PRAMEF4: variants seen among roughly 807,000 people sequenced by gnomAD.
The protein encoded by PRAMEF4 is PRAME family member 4.
PRAMEF4 carries 18 observed loss-of-function variants against 34.4 expected under a neutral mutation model. The ratio of observed to expected loss-of-function variants is 0.52; its 90% CI spans 0.36 to 0.78. The LOEUF (loss-of-function observed/expected upper bound fraction) is 0.78. Ranked by LOEUF, PRAMEF4 falls within the 30% of genes least tolerant of loss-of-function variation. PRAMEF4 has a pLI of 0.00. For synonymous variants in PRAMEF4, 156 were observed against 219.3 expected (o/e 0.71, Z 2.55); for missense variants, 482 against 569.1 (o/e 0.85, Z 1.56).
At chr1:12,880,938 G>C (rs138027331) in intron 3 of PRAMEF4, among the ~76,000 whole-genome samples, 3,863 of 146,916 alleles carry the variant, frequency 0.026, 515 homozygotes, top group African/African-American at 0.094. Context: ...TTTACAACAG[G>C]GAATTAGAGA....
intron 2 of PRAMEF4, 57 bp downstream of exon 2, chr1:12,883,045 C>G (rs1315803751): frequency 3.8e-6 from 6 of 1,585,938 alleles, no homozygotes; most frequent in Admixed American, 1.8e-5. Flanking sequence ...CACGACCCAG[C>G]TGTTCCTTCA....
At chr1:12,884,217 A>G (rs1438356742) in intron 1 of PRAMEF4, among the ~76,000 whole-genome samples, 1 of 147,484 alleles carries the variant, frequency 6.8e-6, no homozygotes, top group Non-Finnish European at 1.5e-5. Context: ...GGATTTCGCT[A>G]TGTTGTCCAA....
In PRAMEF4 at chr1:12,884,509, A is replaced by G. The variant is rs2995619; in HGVS notation, c.-16-1099T>C. Among the ~76,000 whole-genome samples, 579 of 147,080 alleles carry G rather than the reference A, an allele frequency of 3.9e-3. 15 individuals carry two copies. Among genetic ancestry groups the G allele is most frequent in the African/African-American group, 0.014 (551 of 38,910 alleles). The stretch of plus-strand genomic sequence containing the variant: ...GCAGGTGGATCATCTGAGATCAGGA[A>G]TTCAAGACGAGCCTGGCCAACATGG... On this transcript the variant is annotated intron_variant, in intron 1 of 3. Coordinates refer to ENST00000235349, the MANE Select transcript of PRAMEF4 (RefSeq NM_001009611.4).
chr1:12,883,209 G>A lies in PRAMEF4; in HGVS notation c.186C>T (p.Pro62=), dbSNP rs552433763. 14 of 1,599,202 alleles carry A rather than the reference G, an allele frequency of 8.8e-6. No homozygotes were observed. The East Asian group carries it at 2.9e-4, about 34-fold the overall frequency. ...GAGGCCTCAGAGGGAGGCGGCGGAA[G>A]GGCCAGGACTGCACCATCAGCTTCA... is the stretch of plus-strand genomic sequence containing the variant. The part of the protein sequence containing the change: ...EALKLMVQSW[P]FRRLPLRPLI... Residue 62 remains proline (P), a synonymous_variant, in exon 2 of 4, where the codon CCC becomes CCT. Transcript: ENST00000235349.
intron 3 of PRAMEF4, 32 bp downstream of exon 3, chr1:12,881,822 G>A (rs760885930): frequency 6.2e-7 from 1 of 1,600,042 alleles, no homozygotes; most frequent in Non-Finnish European, 8.5e-7. Flanking sequence ...CTCTGCTGTG[G>A]TCTGCAGAGA....
At position 12,883,379 on chromosome 1, in the gene PRAMEF4, A is replaced by G. The variant is rs3121079; in HGVS notation, c.16T>C (p.Trp6Arg). Reference sequence around the variant, plus strand: ...AGCTCCAGGAGTCTGGGTGGAGTCCAGATGCTCATCTTCATGAATCTGCAG... The same window carrying G: ...AGCTCCAGGAGTCTGGGTGGAGTCCGGATGCTCATCTTCATGAATCTGCAG... MKMSI[W>R]TPPRLLELAG... The change falls in exon 2 of 4, where the codon TGG becomes CGG. Residue 6 changes from tryptophan to arginine, a missense_variant. Trp to Arg is a moderately radical substitution (Grantham distance 101). Around this residue, in one of 6 missense-constraint regions of PRAMEF4, gnomAD observed 172 missense variants for 130.2 expected, o/e 1.32. Transcript: ENST00000235349. 0.091 allele frequency: 135,446 copies of G among 1,482,082 alleles called. 21,687 individuals are homozygous for G. Among genetic ancestry groups the G allele is most frequent in the African/African-American group, 0.21 (14,470 of 68,854 alleles). The allele number at this position is 1,482,082 out of a possible 1,614,324, so 91.8% of individuals were successfully genotyped here.
At chr1:12,882,854 AGCCACCGTGCCCG>A (rs1322140019) in intron 2 of PRAMEF4, among the ~76,000 whole-genome samples, 49 of 147,534 alleles carry the variant, frequency 3.3e-4, no homozygotes, top group Admixed American at 3.1e-3. Flanking sequence ...ATACATTGTG[AGCCACCGTGCCCG>A]GCCCAGTTCT....
rs1372496522 is a variant in PRAMEF4 at position 12,879,902 on chromosome 1, T to C, written c.1079A>G (p.Asp360Gly). ...VAATLEYLDL[D>G]DCGIIDSQVN... The stretch of plus-strand genomic sequence containing the variant: ...TTGGGAGTCTATGATGCCACAGTCA[T>C]CTAAATCCAGGTACTCAAGGGTGGC... The change falls in exon 4 of 4, where the codon GAT (aspartate) becomes GGT (glycine). Residue 360 changes from aspartate to glycine, a missense_variant. Asp to Gly is a moderately conservative substitution (Grantham distance 94, BLOSUM62 -1). Coordinates refer to ENST00000235349, the MANE Select transcript of PRAMEF4 (RefSeq NM_001009611.4). The C allele has an allele frequency of 6.2e-7, 1 of 1,603,088 alleles. No homozygotes were observed. The highest frequency in any genetic ancestry group is 1.4e-5 in the African/African-American group (1 of 73,186).
rs1240585424 is a variant in PRAMEF4 at position 12,879,846 on chromosome 1, A to C, written c.1135T>G (p.Cys379Gly). The change falls in exon 4 of 4, where the codon TGC (cysteine) becomes GGC (glycine). Residue 379 changes from cysteine to glycine, a missense_variant. Coordinates refer to ENST00000235349, the MANE Select transcript of PRAMEF4 (RefSeq NM_001009611.4). ...VNAILPALSR[C>G]FELNTFSFCG... Reference sequence around the variant, plus strand: ...AAGCTGAAGGTGTTGAGCTCAAAGCAGCGGCTCAGGGCAGGCAAGATGGCG... The same window carrying C: ...AAGCTGAAGGTGTTGAGCTCAAAGCCGCGGCTCAGGGCAGGCAAGATGGCG... 6.3e-7 allele frequency: 1 copy of C among 1,599,650 alleles called. No individual in the cohort carries two copies. The highest frequency in any genetic ancestry group is 8.5e-7 in the Non-Finnish European group (1 of 1,173,554).
chr1:12,881,558 A>T (rs1326864921), intron 3 of PRAMEF4, among the ~76,000 whole-genome samples: 1 of 145,234 alleles, frequency 6.9e-6, no homozygotes, highest in African/African-American at 2.6e-5. Flanking sequence ...ACTTAGACAC[A>T]CGTCCTCAGG....
At chr1:12,883,780 T>G (rs1358397568) in intron 1 of PRAMEF4, among the ~76,000 whole-genome samples, 2 of 147,000 alleles carry the variant, frequency 1.4e-5, no homozygotes, top group South Asian at 4.4e-4. Context: ...TGCCCACATT[T>G]TCAGTTCCTA....
Position 12,880,575 on chromosome 1 carries a change from T to G in PRAMEF4, c.876-470A>C, listed in dbSNP as rs1308761939. On this transcript the variant is annotated intron_variant, in intron 3 of 3. Transcript: ENST00000235349. ...TGGGTGACAGAGAGAGACTCTGTAT[T>G]AAAAAAAAAAAAGGAGAAAAAATAA... 4.2e-4 allele frequency among the ~76,000 whole-genome samples: 57 copies of G among 136,660 alleles called. 3 individuals are homozygous for G. Among genetic ancestry groups the G allele is most frequent in the African/African-American group, 1.5e-3 (55 of 36,456 alleles). The allele number at this position is 136,660 out of a possible 152,430, so 89.7% of individuals were successfully genotyped here.
chr1:12,880,011 G>C lies in PRAMEF4; in HGVS notation c.970C>G (p.Gln324Glu), dbSNP rs267597982. The change falls in exon 4 of 4, where the codon CAA becomes GAA. Residue 324 changes from glutamine (Q) to glutamate (E), a missense_variant. Coordinates refer to ENST00000235349, the MANE Select transcript of PRAMEF4 (RefSeq NM_001009611.4). ...KHLSQCPSIS[Q>E]LKTLDLSGIR... ...CCACTCAGGTCCAGGGTCTTTAGTT[G>C]ACTGATACTCGGGCACTGGGATAGA... The C allele has an allele frequency of 1.2e-6, 2 of 1,602,036 alleles. No individual in the cohort carries two copies. The highest frequency in any genetic ancestry group is 2.2e-5 in the South Asian group (2 of 90,478).
intron 3 of PRAMEF4, among the ~76,000 whole-genome samples, chr1:12,880,459 C>A (rs1340443921): frequency 1.3e-5 from 2 of 150,386 alleles, no homozygotes; most frequent in African/African-American, 4.9e-5. Flanking sequence ...GCCTGCAATT[C>A]CAGCTACTTG....
At chr1:12,885,170 C>T (rs1276927302) in intron 1 of PRAMEF4, among the ~76,000 whole-genome samples, 5 of 150,556 alleles carry the variant, frequency 3.3e-5, no homozygotes, top group Non-Finnish European at 7.4e-5. Flanking sequence ...CACTTCGTCG[C>T]CCAGGCTGGA....
Position 12,879,792 on chromosome 1 carries a change from G to T in PRAMEF4, c.1189C>A (p.Leu397Met). The T allele has an allele frequency of 1.2e-6, 2 of 1,600,294 alleles. No individual in the cohort carries two copies. Among genetic ancestry groups the T allele is most frequent in the South Asian group, 1.1e-5 (1 of 90,276 alleles). ...ATTGTGTGGCTCAGCAGGTTCTCCA[G>T]GGTGGCCATGCAGATGGGATTTCCA... Reference protein sequence around the residue: ...FCGNPICMATLENLLSHTIIL... With the variant: ...FCGNPICMATMENLLSHTIIL... Residue 397 changes from leucine (L) to methionine (M), a missense_variant, in exon 4 of 4, where the codon CTG (leucine) becomes ATG (methionine). Coordinates refer to ENST00000235349, the MANE Select transcript of PRAMEF4 (RefSeq NM_001009611.4).
At position 12,883,126 on chromosome 1, in the gene PRAMEF4, A is replaced by C; in HGVS notation, c.269T>G (p.Leu90Arg). ...CCTGGGACGAACCCCTAGGTTAAGC[A>C]GTGCATCCAGCCCATCGAGCACAGC... Reference protein sequence around the residue: ...FQAVLDGLDALLNLGVRPRRW... With the variant: ...FQAVLDGLDARLNLGVRPRRW... Residue 90 changes from leucine (L) to arginine (R), a missense_variant, in exon 2 of 4, where the codon CTG (leucine) becomes CGG (arginine). By Grantham distance (102) the Leu-to-Arg change is moderately radical. Transcript: ENST00000235349. 1 of 1,601,570 alleles carries C rather than the reference A, an allele frequency of 6.2e-7. No homozygotes were observed. Among genetic ancestry groups the C allele is most frequent in the Non-Finnish European group, 8.5e-7 (1 of 1,174,258 alleles).
chr1:12,883,000 C>T (rs2100424129), intron 2 of PRAMEF4, 102 bp downstream of exon 2: 2 of 1,524,176 alleles, frequency 1.3e-6, no homozygotes, highest in Non-Finnish European at 1.8e-6. Flanking sequence ...TCGGCTTCCT[C>T]ACCACCACCA....
chr1:12,884,843 A>G (rs1402203160), intron 1 of PRAMEF4, among the ~76,000 whole-genome samples: 13 of 150,196 alleles, frequency 8.7e-5, no homozygotes, highest in Admixed American at 8.2e-4. Context: ...AGATTTAGGG[A>G]TAGGGTGAAA....
Sources: allele counts gnomAD v4.1 joint callset (sites outside exome capture counted in the v4.1 genomes callset), GRCh38; gene constraint gnomAD v4.1.1; regional missense constraint gnomAD v4.1.1; transcripts MANE v1.5; gene names NCBI Gene and HGNC (gene_info 2026-07-23, HGNC 2026-07-21).